Variants in USP4 observed in about 807,000 individuals in gnomAD.
The protein encoded by USP4 is ubiquitin specific peptidase 4, also known as ubiquitin carboxyl-terminal hydrolase 4.
In USP4, 72 loss-of-function variants were observed where a neutral mutation model predicts 118.2. The observed-to-expected ratio is 0.61, with a 90% confidence interval of 0.50 to 0.74. USP4 has a LOEUF of 0.74. USP4 is among the 30% of genes least tolerant of loss of function. The pLI, the probability that USP4 is intolerant of heterozygous loss-of-function variation, is 0.00. For synonymous variants in USP4, 415 were observed against 440.4 expected, an observed-to-expected ratio of 0.94 and a Z score of 0.72; for missense variants, 1,037 against 1,185.7, an observed-to-expected ratio of 0.87 and a Z score of 1.84.
rs2047015958 is a variant in USP4, at chr3:49,280,853, C to T, written c.2541-6G>A. ...ACTCGGACATGTTCAGCCCTCTGAG[C>T]ACAAAACACAAAAATAGTTATTGAA... On this transcript the variant is annotated splice_region_variant and splice_polypyrimidine_tract_variant and intron_variant, in intron 19 of 21. Transcript: ENST00000265560. 6.2e-7 allele frequency: 1 copy of T among 1,612,330 alleles called. No homozygotes were observed. The highest frequency in any genetic ancestry group is 8.5e-7 in the Non-Finnish European group (1 of 1,178,724).
chr3:49,329,973 C>G (rs1172424512), intron 2 of USP4, among the ~76,000 whole-genome samples: 1 of 151,908 alleles, frequency 6.6e-6, no homozygotes, highest in Non-Finnish European at 1.5e-5. Context: ...AACCTGGTCT[C>G]TACTAAAAAT....
chr3:49,315,879 G>C (rs1353766320), intron 6 of USP4, among the ~76,000 whole-genome samples: 1 of 152,162 alleles, frequency 6.6e-6, no homozygotes, highest in African/African-American at 2.4e-5. Context: ...TCTCCAGACT[G>C]AATGCTGCTC....
At chr3:49,339,809 C>G in intron 1 of USP4, 115 bp downstream of exon 1, 1 of 793,096 alleles carries the variant, frequency 1.3e-6, no homozygotes, top group East Asian at 2.6e-5. Context: ...TCAGGCTACT[C>G]TTCCAGGGTC....
chr3:49,325,202 T>C lies in USP4; in HGVS notation c.488-163A>G, dbSNP rs538613116. On this transcript the variant is annotated intron_variant, in intron 4 of 21. Coordinates refer to ENST00000265560, the MANE Select transcript of USP4 (RefSeq NM_003363.4). The stretch of plus-strand genomic sequence containing the variant: ...TCAATCATCTCCCATGGGTGGCCTC[T>C]TGCACTCATATGCCTGGAAAGTATC... Among the ~76,000 whole-genome samples the C allele has an allele frequency of 6.6e-5, 10 of 152,274 alleles. No homozygotes were observed. The South Asian group carries it at 2.1e-3, about 32-fold the overall frequency.
At chr3:49,323,612 G>A (rs1448473998) in intron 6 of USP4, among the ~76,000 whole-genome samples, 1 of 152,052 alleles carries the variant, frequency 6.6e-6, no homozygotes, top group Non-Finnish European at 1.5e-5. Flanking sequence ...TCTTAAACTG[G>A]AGTCCATGAC....
At chr3:49,295,009 G>T (rs2047187643) in intron 13 of USP4, among the ~76,000 whole-genome samples, 1 of 152,166 alleles carries the variant, frequency 6.6e-6, no homozygotes, top group Non-Finnish European at 1.5e-5. Context: ...TATTGAGTTG[G>T]CTGGGCGCGG....
chr3:49,302,534 T>A lies in USP4; in HGVS notation c.1137A>T (p.Val379=). The A allele has an allele frequency of 6.2e-7, 1 of 1,613,456 alleles. No homozygotes were observed. Among genetic ancestry groups the A allele is most frequent in the South Asian group, 1.1e-5 (1 of 90,930 alleles). Residue 379 remains valine (V), a synonymous_variant, in exon 10 of 22, where the codon GTA becomes GTT. Transcript: ENST00000265560. ...HVAPRMFKTQ[V]GRFAPQFSGY... is the part of the protein sequence containing the mutation. ...CAGAAAATTGAGGAGCAAAACGTCC[T>A]ACTTGAGTCTACAACAAAAGCAACT...
At chr3:49,300,766 C>A in intron 10 of USP4, 75 bp from the exon 11 acceptor site, 13 of 1,393,402 alleles carry the variant, frequency 9.3e-6, no homozygotes, top group Non-Finnish European at 9.0e-6. Context: ...TGACTCACAG[C>A]AAACCTGGAG....
intron 11 of USP4, 46 bp from the exon 12 acceptor site, chr3:49,298,681 G>C: frequency 6.4e-7 from 1 of 1,557,754 alleles, no homozygotes; most frequent in Non-Finnish European, 8.9e-7. Context: ...CCCACAAAGG[G>C]TGCGAAATGC....
intron 19 of USP4, among the ~76,000 whole-genome samples, chr3:49,283,008 CTT>C (rs71077783): frequency 1.3e-5 from 1 of 78,284 alleles, no homozygotes. Flanking sequence ...GTGCCGGCCT[CTT>C]TTTTTTTTTT....
intron 13 of USP4, among the ~76,000 whole-genome samples, chr3:49,296,011 G>A (rs2047204190): frequency 2.0e-5 from 3 of 152,126 alleles, no homozygotes; most frequent in Non-Finnish European, 2.9e-5. Flanking sequence ...AAATAATTTA[G>A]TAGCACAGTG....
intron 8 of USP4, among the ~76,000 whole-genome samples, chr3:49,310,172 G>A (rs898864251): frequency 1.3e-5 from 2 of 151,410 alleles, no homozygotes; most frequent in Admixed American, 1.3e-4. Flanking sequence ...TGATCCACCC[G>A]CCTCTGCCTC....
At chr3:49,312,853 T>C (rs972413061) in intron 6 of USP4, 2 of 152,144 alleles carry the variant, frequency 1.3e-5, no homozygotes, top group Non-Finnish European at 2.9e-5. Context: ...CTGGTTTGAT[T>C]TACAAATCAT....
In USP4 at chr3:49,325,837, C is replaced by CG; in HGVS notation, c.368_369insC (p.Glu123AspfsTer22). On this transcript the variant is annotated frameshift_variant, in exon 4 of 22. Coordinates refer to ENST00000265560, the MANE Select transcript of USP4 (RefSeq NM_003363.4). LOFTEE classifies it high-confidence loss of function. ...TGCAGTGCTTGACAAACAGGCCATG[C>CG]TCCACAACCTATGAACAAGAGGCAG... 6.2e-7 allele frequency: 1 copy of CG among 1,613,686 alleles called. No individual in the cohort carries two copies. Among genetic ancestry groups the CG allele is most frequent in the East Asian group, 2.2e-5 (1 of 44,866 alleles).
At chr3:49,303,098 G>T (rs2107781460) in intron 9 of USP4, among the ~76,000 whole-genome samples, 1 of 152,200 alleles carries the variant, frequency 6.6e-6, no homozygotes, top group African/African-American at 2.4e-5. Context: ...CTGGGGATGG[G>T]TCTAGCAGTC....
intron 20 of USP4, 69 bp from the exon 21 acceptor site, chr3:49,278,971 G>T: frequency 1.9e-6 from 2 of 1,065,972 alleles, no homozygotes; most frequent in Non-Finnish European, 1.3e-6. Flanking sequence ...TATTAGGCTT[G>T]CACTAAATAA....
At chr3:49,323,298 A>T (rs1185055209) in intron 6 of USP4, among the ~76,000 whole-genome samples, 10 of 143,806 alleles carry the variant, frequency 7.0e-5, no homozygotes, top group African/African-American at 2.3e-4. Flanking sequence ...AAAAAAAAAA[A>T]GAGATGGGGT....
intron 19 of USP4, among the ~76,000 whole-genome samples, chr3:49,282,511 T>C (rs755176469): frequency 2.6e-4 from 40 of 152,066 alleles, no homozygotes; most frequent in Non-Finnish European, 4.6e-4. Flanking sequence ...ACTCCTGACC[T>C]CGTAATTTGC....
Position 49,284,585 on chromosome 3 carries a change from C to T in USP4, c.2272-1G>A. On this transcript the variant is annotated splice_acceptor_variant, in intron 17 of 21. Transcript: ENST00000265560. LOFTEE classifies it high-confidence loss of function. ...ACATGCTCACATGCTTCTCGTAGGCCTATGGGAATCAAAGCACTCAGTTCT... is the reference window on the plus strand; with the variant it reads ...ACATGCTCACATGCTTCTCGTAGGCTTATGGGAATCAAAGCACTCAGTTCT... 1 of 1,613,436 alleles carries T rather than the reference C, an allele frequency of 6.2e-7. No individual in the cohort carries two copies. The highest frequency in any genetic ancestry group is 8.5e-7 in the Non-Finnish European group (1 of 1,179,560).
Sources: allele counts gnomAD v4.1 joint callset (sites outside exome capture counted in the v4.1 genomes callset), GRCh38; gene constraint gnomAD v4.1.1; transcripts MANE v1.5; gene names NCBI Gene and HGNC (gene_info 2026-07-23, HGNC 2026-07-21).